Variants in WDR64 observed in about 807,000 individuals in gnomAD.
The protein encoded by WDR64 is WD repeat domain 64, also known as WD repeat-containing protein 64.
Under a neutral mutation model 139.3 loss-of-function variants are expected in WDR64, and 112 were observed. The observed-to-expected ratio is 0.80, with a 90% confidence interval of 0.69 to 0.94. WDR64 has a LOEUF of 0.94. WDR64 is among the 40% of genes least tolerant of loss of function. The pLI, the probability that WDR64 is intolerant of heterozygous loss-of-function variation, is 0.00. For synonymous variants in WDR64, 444 were observed against 437.7 expected, an observed-to-expected ratio of 1.01 and a Z score of -0.18; for missense variants, 1,206 against 1,293.1, an observed-to-expected ratio of 0.93 and a Z score of 1.03.
intron 7 of WDR64, 40 bp downstream of exon 7, chr1:241,683,741 T>C (rs892522853): frequency 5.8e-5 from 82 of 1,412,306 alleles, no homozygotes; most frequent in Non-Finnish European, 7.3e-5. Flanking sequence ...TTTTAATAAT[T>C]ATAGTCTTTT....
Position 241,730,294 on chromosome 1 carries a change from C to T in WDR64, c.1194+6858C>T, listed in dbSNP as rs138422142. On this transcript the variant is annotated intron_variant, in intron 10 of 27. Coordinates refer to ENST00000437684, the MANE Select transcript of WDR64 (RefSeq NM_001367482.1). The stretch of plus-strand genomic sequence containing the variant: ...TGGGAGCAAACATGCCTACCAAGAC[C>T]AGGAAGCAGTCCCTATATAAGGCTT... Among the ~76,000 whole-genome samples, 265 of 152,276 alleles carry T rather than the reference C, an allele frequency of 1.7e-3. 1 individual carries two copies. The highest frequency in any genetic ancestry group is 5.4e-3 in the African/African-American group (224 of 41,550).
chr1:241,683,565 C>T lies in WDR64; in HGVS notation c.703C>T (p.Arg235Ter), dbSNP rs372317072. ...GGTGCCTTTGCCTGACCATCTCTGC[C>T]GAGATGACATCCTCTTGGGGGATGA... ...CVVPLPDHLC[R>*]DDILLGDDGG... Residue 235 changes from arginine to a stop codon, truncating the protein, a stop_gained, in exon 7 of 28, where the codon CGA becomes TGA. Transcript: ENST00000437684. LOFTEE classifies it high-confidence loss of function. The T allele has an allele frequency of 9.1e-5, 141 of 1,551,502 alleles. 1 individual carries two copies. The highest frequency in any genetic ancestry group is 4.2e-4 in the East Asian group (17 of 40,914).
Position 241,703,698 on chromosome 1 carries a change from T to C in WDR64, c.975-8104T>C, listed in dbSNP as rs543879236. 1.3e-5 allele frequency among the ~76,000 whole-genome samples: 2 copies of C among 152,232 alleles called. No individual in the cohort carries two copies. Among genetic ancestry groups the C allele is most frequent in the Admixed American group, 6.5e-5 (1 of 15,304 alleles). ...AAAGAACCGTTGTGTATTAATCCAT[T>C]TTCACACTGCTATAAAGATACTATC... On this transcript the variant is annotated intron_variant, in intron 8 of 27. Coordinates refer to ENST00000437684, the MANE Select transcript of WDR64 (RefSeq NM_001367482.1). This position sits in a 1 kb window ranked among gnomAD's most constrained non-coding sequence, Gnocchi z 5.9.
At position 241,703,539 on chromosome 1, in the gene WDR64, G is replaced by A. The variant is rs1353007270; in HGVS notation, c.975-8263G>A. On this transcript the variant is annotated intron_variant, in intron 8 of 27. Coordinates refer to ENST00000437684, the MANE Select transcript of WDR64 (RefSeq NM_001367482.1). The surrounding 1 kb of genome is among the most constrained non-coding windows in gnomAD (Gnocchi z 5.9). Reference sequence around the variant, plus strand: ...ATTGCTATCATTTCAGGGGGATCAGGGAAAAAGTCAGAATGAACTTCCCAG... The same window carrying A: ...ATTGCTATCATTTCAGGGGGATCAGAGAAAAAGTCAGAATGAACTTCCCAG... Among the ~76,000 whole-genome samples, 2 of 151,882 alleles carry A rather than the reference G, an allele frequency of 1.3e-5. No homozygotes were observed. The highest frequency in any genetic ancestry group is 4.8e-5 in the African/African-American group (2 of 41,332).
intron 15 of WDR64, among the ~76,000 whole-genome samples, chr1:241,764,259 T>G (rs550964374): frequency 3.9e-5 from 6 of 152,318 alleles, no homozygotes; most frequent in African/African-American, 9.6e-5. Flanking sequence ...ATTTGTGCTG[T>G]GGGCAGCTCA....
At chr1:241,725,671 C>T (rs774690948) in intron 10 of WDR64, among the ~76,000 whole-genome samples, 2 of 152,126 alleles carry the variant, frequency 1.3e-5, no homozygotes, top group Non-Finnish European at 2.9e-5. Context: ...CAACTGAGGA[C>T]GTGACCTGAC....
chr1:241,772,451 C>CTGTTTTTTTT (rs1658491223), intron 19 of WDR64, among the ~76,000 whole-genome samples: 1 of 59,056 alleles, frequency 1.7e-5, no homozygotes, highest in Non-Finnish European at 3.0e-5. Flanking sequence ...AAGATAGATC[C>CTGTTTTTTTT]TTTTTTTTTT....
intron 1 of WDR64, among the ~76,000 whole-genome samples, chr1:241,654,108 C>T (rs1467158197): frequency 2.0e-5 from 3 of 152,246 alleles, no homozygotes; most frequent in African/African-American, 7.2e-5. Flanking sequence ...TCTCTCAAAC[C>T]CCCCTTTTCC....
intron 19 of WDR64, 67 bp downstream of exon 19, chr1:241,771,764 CAG>C: frequency 9.4e-7 from 1 of 1,064,994 alleles, no homozygotes; most frequent in Admixed American, 3.6e-5. Context: ...ATTTAGGTGA[CAG>C]AGTATTCTTA....
intron 10 of WDR64, among the ~76,000 whole-genome samples, chr1:241,736,907 T>C (rs1255069920): frequency 6.6e-6 from 1 of 152,220 alleles, no homozygotes; most frequent in Non-Finnish European, 1.5e-5. Context: ...AGTCTCTTGT[T>C]CTTTTTGTCA....
chr1:241,702,643 C>G (rs1018800236), intron 8 of WDR64, among the ~76,000 whole-genome samples: 3 of 152,144 alleles, frequency 2.0e-5, no homozygotes, highest in Admixed American at 6.5e-5. Context: ...CAAACTGTAG[C>G]CCAAGGCCAG....
Position 241,749,563 on chromosome 1 carries a change from G to A in WDR64, c.1611G>A (p.Trp537Ter), listed in dbSNP as rs762856101. Reference sequence around the variant, plus strand: ...TATGCTCAGGAACAGTCAGAATCTGGGACTTTGGCAGTGGGCAGGAGATGA... The same window carrying A: ...TATGCTCAGGAACAGTCAGAATCTGAGACTTTGGCAGTGGGCAGGAGATGA... Reference protein sequence around the residue: ...TGAYNGTVRIWDFGSGQEMKV... With the variant: ...TGAYNGTVRI The change falls in exon 14 of 28, where the codon TGG becomes TGA. Residue 537 changes from tryptophan (W) to a stop codon, truncating the protein, a stop_gained. Coordinates refer to ENST00000437684, the MANE Select transcript of WDR64 (RefSeq NM_001367482.1). LOFTEE classifies it high-confidence loss of function. The A allele has an allele frequency of 6.2e-7, 1 of 1,614,078 alleles. No individual in the cohort carries two copies.
At chr1:241,657,023 A>G (rs574841689) in intron 1 of WDR64, among the ~76,000 whole-genome samples, 1 of 151,888 alleles carries the variant, frequency 6.6e-6, no homozygotes, top group East Asian at 1.9e-4. Flanking sequence ...CCAACCCACT[A>G]GCATATCTTT....
intron 2 of WDR64, among the ~76,000 whole-genome samples, chr1:241,667,739 C>A (rs1666074356): frequency 6.6e-6 from 1 of 152,148 alleles, no homozygotes; most frequent in African/African-American, 2.4e-5. Flanking sequence ...GAAGTAGATT[C>A]TTTCCTGAAA....
rs1016923046 is a variant in WDR64 at position 241,656,862 on chromosome 1, G to A, written c.146-3668G>A. Reference sequence around the variant, plus strand: ...ACAGTCAAAAATGTCTCAAGTCTTTGCCAAATGTTGTGTGTGTGTGTGTGT... The same window carrying A: ...ACAGTCAAAAATGTCTCAAGTCTTTACCAAATGTTGTGTGTGTGTGTGTGT... On this transcript the variant is annotated intron_variant, in intron 1 of 27. Coordinates refer to ENST00000437684, the MANE Select transcript of WDR64 (RefSeq NM_001367482.1). The surrounding 1 kb of genome is among the most constrained non-coding windows in gnomAD (Gnocchi z 4.3). Among the ~76,000 whole-genome samples the A allele has an allele frequency of 1.4e-5, 2 of 142,186 alleles. No homozygotes were observed. The highest frequency in any genetic ancestry group is 5.3e-5 in the African/African-American group (2 of 37,388). The allele number at this position is 142,186 out of a possible 152,430, so 93.3% of individuals were successfully genotyped here. A position where few individuals can be genotyped will look rare whatever the true frequency, so the allele number is the denominator to read the frequency against.
At chr1:241,717,694 T>C (rs1161768562) in intron 9 of WDR64, among the ~76,000 whole-genome samples, 1 of 152,250 alleles carries the variant, frequency 6.6e-6, no homozygotes, top group East Asian at 1.9e-4. Flanking sequence ...ATAATATTTA[T>C]AGTATAAAGA....
intron 10 of WDR64, among the ~76,000 whole-genome samples, chr1:241,733,980 G>A (rs977496325): frequency 6.6e-5 from 10 of 152,080 alleles, no homozygotes; most frequent in African/African-American, 2.2e-4. Context: ...AATACGTGAA[G>A]GGAAAGTAAG....
chr1:241,786,074 C>CTATT (rs1410581517), intron 23 of WDR64, among the ~76,000 whole-genome samples: 1 of 152,200 alleles, frequency 6.6e-6, no homozygotes, highest in Non-Finnish European at 1.5e-5. Flanking sequence ...AAGGGCTGGT[C>CTATT]TATTTCTCTT....
chr1:241,669,727 T>C (rs1666151731), intron 2 of WDR64, among the ~76,000 whole-genome samples: 1 of 152,204 alleles, frequency 6.6e-6, no homozygotes, highest in African/African-American at 2.4e-5. Flanking sequence ...ACAGGACATA[T>C]ATTAAAATAT....
Sources: allele counts gnomAD v4.1 joint callset (sites outside exome capture counted in the v4.1 genomes callset), GRCh38; gene constraint gnomAD v4.1.1; non-coding constraint Gnocchi (gnomAD v3.1); transcripts MANE v1.5; gene names NCBI Gene and HGNC (gene_info 2026-07-23, HGNC 2026-07-21).